Variants in PRKG1 observed in about 807,000 individuals in gnomAD.
PRKG1 encodes the protein cGMP-dependent protein kinase 1.
PRKG1 carries 35 observed loss-of-function variants against 88.1 expected under a neutral mutation model. That is an observed-to-expected ratio of 0.40 (90% CI 0.30 to 0.53). PRKG1 has a LOEUF of 0.53. PRKG1 is among the 20% of genes least tolerant of loss of function. PRKG1 has a pLI of 0.59. For synonymous variants in PRKG1, 303 were observed against 292.5 expected, an observed-to-expected ratio of 1.04 and a Z score of -0.37; for missense variants, 540 against 839.8, an observed-to-expected ratio of 0.64 and a Z score of 4.41.
chr10:52,052,887 G>T (rs910517266), intron 5 of PRKG1, among the ~76,000 whole-genome samples: 5 of 152,112 alleles, frequency 3.3e-5, no homozygotes, highest in African/African-American at 1.2e-4. Flanking sequence ...CCATGATCGG[G>T]CCACTGCAAC....
chr10:51,118,273 C>T (rs1270286173), intron 1 of PRKG1, among the ~76,000 whole-genome samples: 1 of 151,868 alleles, frequency 6.6e-6, no homozygotes, highest in East Asian at 1.9e-4. Flanking sequence ...AAAAATAAAA[C>T]AAAAAATAAC....
At chr10:51,675,176 A>T (rs887154132) in intron 3 of PRKG1, among the ~76,000 whole-genome samples, 2 of 152,226 alleles carry the variant, frequency 1.3e-5, no homozygotes, top group Non-Finnish European at 2.9e-5. Context: ...ATTAGATAGC[A>T]TATGAAATAT....
chr10:52,243,864 G>A (rs567941214), intron 9 of PRKG1, among the ~76,000 whole-genome samples: 53 of 152,052 alleles, frequency 3.5e-4, no homozygotes, highest in African/African-American at 1.3e-3. Flanking sequence ...GTATATTCCC[G>A]TTGGCTATAG....
chr10:51,821,115 T>C (rs1839733474), intron 4 of PRKG1, among the ~76,000 whole-genome samples: 1 of 152,166 alleles, frequency 6.6e-6, no homozygotes, highest in Non-Finnish European at 1.5e-5. Context: ...TATGTACTCT[T>C]CTGTGTCTGG....
intron 2 of PRKG1, among the ~76,000 whole-genome samples, chr10:51,417,738 T>C (rs1234443392): frequency 6.6e-6 from 1 of 152,182 alleles, no homozygotes; most frequent in African/African-American, 2.4e-5. Flanking sequence ...AACTGACACC[T>C]CTCTTTATAT....
chr10:51,124,117 C>T (rs748767240), intron 1 of PRKG1, among the ~76,000 whole-genome samples: 5 of 152,108 alleles, frequency 3.3e-5, no homozygotes, highest in Non-Finnish European at 5.9e-5. Flanking sequence ...TTTTCATCCG[C>T]ATTCCTCAGA....
At chr10:51,347,905 CA>C (rs35547161) in intron 2 of PRKG1, among the ~76,000 whole-genome samples, 84,107 of 151,200 alleles carry the variant, frequency 0.56, 23,455 homozygotes, top group African/African-American at 0.6. Context: ...ACTAAAAATA[CA>C]AAAAAAATTA....
chr10:51,127,338 G>A (rs538481419), intron 1 of PRKG1, among the ~76,000 whole-genome samples: 1 of 152,270 alleles, frequency 6.6e-6, no homozygotes, highest in Non-Finnish European at 1.5e-5. Context: ...CATATTTGTT[G>A]CCAAGAAACA....
intron 1 of PRKG1, among the ~76,000 whole-genome samples, chr10:51,010,136 G>A (rs1386947512): frequency 6.6e-6 from 1 of 152,230 alleles, no homozygotes; most frequent in Non-Finnish European, 1.5e-5. Flanking sequence ...CATTGTTTGT[G>A]CGAAGTTGTG....
chr10:51,668,265 G>A (rs1039268342), intron 3 of PRKG1, among the ~76,000 whole-genome samples: 3 of 152,170 alleles, frequency 2.0e-5, no homozygotes, highest in African/African-American at 4.8e-5. Flanking sequence ...TGAAAACCAC[G>A]TATAGTGATA....
chr10:51,168,392 A>T (rs747481419), intron 2 of PRKG1, among the ~76,000 whole-genome samples: 3 of 152,166 alleles, frequency 2.0e-5, no homozygotes, highest in Non-Finnish European at 4.4e-5. Flanking sequence ...TTTTTGTTTT[A>T]AAAATGTAGT....
chr10:51,507,713 T>C (rs989754569), intron 3 of PRKG1, among the ~76,000 whole-genome samples: 4 of 152,048 alleles, frequency 2.6e-5, no homozygotes, highest in African/African-American at 7.2e-5. Flanking sequence ...ACCCCAGTAC[T>C]CTCCACACAG....
In PRKG1 at chr10:51,026,037, T is replaced by A. The variant is rs374883246; in HGVS notation, c.266+34393T>A. Among the ~76,000 whole-genome samples the A allele has an allele frequency of 4.0e-4, 61 of 152,114 alleles. 3 individuals carry two copies. In the South Asian group the frequency reaches 0.012, roughly 29 times the overall value. On this transcript the variant is annotated intron_variant, in intron 1 of 17. Coordinates refer to the PRKG1 transcript ENST00000401604. Reference sequence around the variant, plus strand: ...GGACACAGACTGCACCCAGAAAATATGCCATGTGAATATAAAAACAGAGAT... The same window carrying A: ...GGACACAGACTGCACCCAGAAAATAAGCCATGTGAATATAAAAACAGAGAT...
chr10:51,446,208 G>A (rs576559256), intron 2 of PRKG1, among the ~76,000 whole-genome samples: 7 of 151,942 alleles, frequency 4.6e-5, no homozygotes, highest in South Asian at 2.1e-4. Flanking sequence ...GTGTAATGAC[G>A]TACATCCTAG....
intron 3 of PRKG1, among the ~76,000 whole-genome samples, chr10:51,765,532 CT>C (rs780516458): frequency 2.6e-5 from 4 of 152,206 alleles, no homozygotes; most frequent in Non-Finnish European, 5.9e-5. Context: ...ATTATTCTGC[CT>C]GTCCTGTCCA....
chr10:51,698,958 T>C, intron 3 of PRKG1: 1 of 1,614,212 alleles, frequency 6.2e-7, no homozygotes, highest in Non-Finnish European at 8.5e-7. Context: ...ATCAGTGGTG[T>C]GACATGTATC....
chr10:51,671,231 T>C (rs1218805070), intron 3 of PRKG1, among the ~76,000 whole-genome samples: 1 of 152,232 alleles, frequency 6.6e-6, no homozygotes, highest in Non-Finnish European at 1.5e-5. Flanking sequence ...GATGACACTG[T>C]CTGGCTTTCA....
chr10:52,005,571 T>C (rs1468547247), intron 5 of PRKG1, among the ~76,000 whole-genome samples: 4 of 152,200 alleles, frequency 2.6e-5, no homozygotes, highest in African/African-American at 9.6e-5. Flanking sequence ...CACAGCTCGC[T>C]GTTGTCCCAG....
intron 1 of PRKG1, among the ~76,000 whole-genome samples, chr10:51,089,413 C>G (rs1358413640): frequency 3.3e-5 from 5 of 152,240 alleles, no homozygotes; most frequent in Non-Finnish European, 7.4e-5. Flanking sequence ...TCCAAAAATT[C>G]TTGAAGATCT....
Sources: gnomAD v4.1 joint callset for allele counts (sites outside exome capture counted in the v4.1 genomes callset) on GRCh38, gnomAD v4.1.1 for gene constraint, MANE v1.5 for transcripts, NCBI Gene and HGNC (gene_info 2026-07-23, HGNC 2026-07-21) for gene names.